The following BCAS3 variants were observed in gnomAD, a reference collection of about 807,000 sequenced individuals.
BCAS3 encodes the protein BCAS4/BCAS3 fusion.
A neutral mutation model predicts 116.1 loss-of-function variants in BCAS3; 53 were observed. The ratio of observed to expected loss-of-function variants is 0.46; its 90% CI spans 0.37 to 0.57. The LOEUF (loss-of-function observed/expected upper bound fraction) is 0.57. Ranked by LOEUF, BCAS3 falls within the 20% of genes least tolerant of loss-of-function variation. The probability of loss-of-function intolerance (pLI) is 0.00; values close to 1 mark genes in which losing one functional copy is unlikely to be tolerated. For synonymous variants in BCAS3, 391 were observed against 408.2 expected (o/e 0.96, Z 0.51); for missense variants, 917 against 1,165.4 (o/e 0.79, Z 3.10).
chr17:60,747,109 G>A lies in BCAS3; in HGVS notation c.322-89G>A, dbSNP rs1303729042. The stretch of plus-strand genomic sequence containing the variant: ...GTATATATATTTCAGACAAAATATT[G>A]TTATAAAATTTAGAAGATCTTGTTT... On this transcript the variant is annotated intron_variant, in intron 5 of 23. Transcript: ENST00000407086. 3 of 847,374 alleles carry A rather than the reference G, an allele frequency of 3.5e-6. No homozygotes were observed. The African/African-American group carries it at 5.1e-5, about 14-fold the overall frequency. The allele number at this position is 847,374 out of a possible 1,614,324, so 52.5% of individuals were successfully genotyped here.
chr17:60,722,394 C>T (rs2039332356), intron 5 of BCAS3, among the ~76,000 whole-genome samples: 1 of 152,168 alleles, frequency 6.6e-6, no homozygotes. Context: ...CTCAGCAGCA[C>T]TTGGTATTGT....
Position 61,380,578 on chromosome 17 carries a change from A to G in BCAS3, c.2594-11399A>G, listed in dbSNP as rs2059558093. On this transcript the variant is annotated intron_variant, in intron 23 of 23. Coordinates refer to ENST00000407086, the MANE Select transcript of BCAS3 (RefSeq NM_017679.5). The surrounding 1 kb of genome is among the most constrained non-coding windows in gnomAD (Gnocchi z 4.2). ...GTGGCAGTGAAGTGTTTTGGTATGT[A>G]ACGTCCTATCTTTGCCTATGTGGAA... is the stretch of plus-strand genomic sequence containing the variant. 6.3e-7 allele frequency: 1 copy of G among 1,597,094 alleles called. No individual in the cohort carries two copies. Among genetic ancestry groups the G allele is most frequent in the African/African-American group, 1.3e-5 (1 of 74,880 alleles).
chr17:60,813,990 G>T (rs901117602), intron 7 of BCAS3, among the ~76,000 whole-genome samples: 1 of 151,920 alleles, frequency 6.6e-6, no homozygotes, highest in African/African-American at 2.4e-5. Context: ...TTTTTGCCTG[G>T]GATTGCTTTG....
Position 61,368,513 on chromosome 17 carries a change from T to A in BCAS3, c.2593+19T>A. On this transcript the variant is annotated intron_variant, in intron 23 of 23. Coordinates refer to ENST00000407086, the MANE Select transcript of BCAS3 (RefSeq NM_017679.5). The surrounding 1 kb of genome is among the most constrained non-coding windows in gnomAD (Gnocchi z 6.0). ...GGAACAGGTAAAGGTGTCATCAGAC[T>A]TCTAGCCTGATTTGGTCAGGACCAG... The A allele has an allele frequency of 6.3e-7, 1 of 1,580,912 alleles. No individual in the cohort carries two copies.
intron 6 of BCAS3, among the ~76,000 whole-genome samples, chr17:60,763,901 A>G (rs9901924): frequency 0.27 from 41,673 of 152,000 alleles, 11,422 homozygotes; most frequent in African/African-American, 0.71. Flanking sequence ...TCAGAGATTC[A>G]ACTTCTTCTT....
chr17:61,212,494 C>G (rs897307983), intron 22 of BCAS3, among the ~76,000 whole-genome samples: 2 of 151,128 alleles, frequency 1.3e-5, no homozygotes, highest in Admixed American at 6.6e-5. Context: ...GTTCAAAAGG[C>G]TACCTAAATT....
rs182906251 is a variant in BCAS3 at position 60,982,327 on chromosome 17, T to C, written c.1222-7644T>C. Among the ~76,000 whole-genome samples the C allele has an allele frequency of 1.2e-3, 185 of 152,196 alleles. 1 individual carries two copies. The highest frequency in any genetic ancestry group is 3.7e-3 in the African/African-American group (153 of 41,532). Reference sequence around the variant, plus strand: ...TAAATTAATTAATTTATTTTACAGATTGGGGGTCTCACTCTGTTGCCCAAG... The same window carrying C: ...TAAATTAATTAATTTATTTTACAGACTGGGGGTCTCACTCTGTTGCCCAAG... On this transcript the variant is annotated intron_variant, in intron 14 of 23. Transcript: ENST00000407086.
chr17:60,810,139 TCCTCTC>T, intron 7 of BCAS3: 1 of 381,552 alleles, frequency 2.6e-6, no homozygotes, highest in Non-Finnish European at 5.2e-6. Flanking sequence ...CTGAGTCCTG[TCCTCTC>T]ACTCTCCCCA....
In BCAS3 at chr17:60,728,063, C is replaced by T. The variant is rs192912599; in HGVS notation, c.321+18738C>T. ...ACCTCAAGTGATCTGCCCACCTCGG[C>T]CTCCCAAAGTGCTGGGATTACAGGT... On this transcript the variant is annotated intron_variant, in intron 5 of 23. Transcript: ENST00000407086. 3.4e-3 allele frequency among the ~76,000 whole-genome samples: 513 copies of T among 152,250 alleles called. 5 individuals carry two copies. The highest frequency in any genetic ancestry group is 0.012 in the African/African-American group (485 of 41,548).
At chr17:61,254,490 A>G (rs193034959) in intron 22 of BCAS3, among the ~76,000 whole-genome samples, 1 of 152,202 alleles carries the variant, frequency 6.6e-6, no homozygotes, top group East Asian at 1.9e-4. Flanking sequence ...AAGATTAGAA[A>G]ATTTATGGCG....
chr17:61,322,990 CT>C (rs201969718), intron 22 of BCAS3, among the ~76,000 whole-genome samples: 1 of 150,462 alleles, frequency 6.6e-6, no homozygotes, highest in African/African-American at 2.4e-5. Flanking sequence ...AGGCGCCTTC[CT>C]TTTTTTTTAA....
At chr17:60,992,626 A>G (rs752400909) in intron 15 of BCAS3, among the ~76,000 whole-genome samples, 6 of 152,220 alleles carry the variant, frequency 3.9e-5, no homozygotes, top group Non-Finnish European at 7.3e-5. Context: ...CCTCAGGGAC[A>G]TGCAGTTTAC....
intron 6 of BCAS3, among the ~76,000 whole-genome samples, chr17:60,797,680 C>T (rs1306605801): frequency 6.6e-6 from 1 of 152,120 alleles, no homozygotes; most frequent in East Asian, 1.9e-4. Flanking sequence ...CTATCCCTCT[C>T]CTAGCCCCCC....
chr17:61,038,826 A>G (rs1284832060), intron 18 of BCAS3, among the ~76,000 whole-genome samples: 1 of 151,376 alleles, frequency 6.6e-6, no homozygotes, highest in African/African-American at 2.4e-5. Context: ...CTGCCATCCC[A>G]TCTGGCTAAT....
chr17:61,152,249 C>T (rs528482463), intron 22 of BCAS3, among the ~76,000 whole-genome samples: 1 of 152,188 alleles, frequency 6.6e-6, no homozygotes, highest in African/African-American at 2.4e-5. Flanking sequence ...TTTGTCCCCT[C>T]CCATGTTCTG....
chr17:60,963,169 G>T (rs1317817911), intron 14 of BCAS3, among the ~76,000 whole-genome samples: 7 of 152,124 alleles, frequency 4.6e-5, no homozygotes, highest in Admixed American at 4.6e-4. Context: ...GTCAGAAAGT[G>T]TGATGCCTTC....
intron 19 of BCAS3, among the ~76,000 whole-genome samples, chr17:61,064,952 A>T (rs2070458874): frequency 6.6e-6 from 1 of 152,170 alleles, no homozygotes; most frequent in South Asian, 2.1e-4. Flanking sequence ...GAATTGCTTT[A>T]CTGCTCTGTG....
chr17:60,704,357 A>T (rs1378081380), intron 4 of BCAS3, among the ~76,000 whole-genome samples: 1 of 152,198 alleles, frequency 6.6e-6, no homozygotes, highest in African/African-American at 2.4e-5. Flanking sequence ...CAAGTTTATA[A>T]TCAGGACTGT....
Position 60,756,977 on chromosome 17 carries a change from A to G in BCAS3, c.403+9698A>G, listed in dbSNP as rs149532659. Among the ~76,000 whole-genome samples, 225 of 152,228 alleles carry G rather than the reference A, an allele frequency of 1.5e-3. 1 individual carries two copies. Among genetic ancestry groups the G allele is most frequent in the African/African-American group, 5.3e-3 (218 of 41,516 alleles). On this transcript the variant is annotated intron_variant, in intron 6 of 23. Coordinates refer to ENST00000407086, the MANE Select transcript of BCAS3 (RefSeq NM_017679.5). Reference sequence around the variant, plus strand: ...CAAGAGATCAAGACCATCCTGGCCAACATGGTGTAACCCCGTTTCTACTAA... The same window carrying G: ...CAAGAGATCAAGACCATCCTGGCCAGCATGGTGTAACCCCGTTTCTACTAA...
Sources: gnomAD v4.1 joint callset for allele counts (sites outside exome capture counted in the v4.1 genomes callset) on GRCh38, gnomAD v4.1.1 for gene constraint, Gnocchi (gnomAD v3.1) non-coding constraint, MANE v1.5 for transcripts, NCBI Gene and HGNC (gene_info 2026-07-23, HGNC 2026-07-21) for gene names.